Variants in SYNJ2 observed in about 807,000 individuals in gnomAD.
SYNJ2 encodes polyphosphatidylinositol phosphatase SYNJ2.
A neutral mutation model predicts 141.3 loss-of-function variants in SYNJ2; 116 were observed. That is an observed-to-expected ratio of 0.82 (90% CI 0.71 to 0.96). SYNJ2 has a LOEUF of 0.96. Ranked by LOEUF, SYNJ2 falls within the 40% of genes least tolerant of loss-of-function variation. The pLI, the probability that SYNJ2 is intolerant of heterozygous loss-of-function variation, is 0.00. For missense variants in SYNJ2, 1,873 were observed against 1,934.8 expected, an observed-to-expected ratio of 0.97 and a Z score of 0.60; for synonymous variants, 745 against 777.7, an observed-to-expected ratio of 0.96 and a Z score of 0.70.
At chr6:158,002,024 C>T (rs556618770) in intron 1 of SYNJ2, 1 of 152,492 alleles carries the variant, frequency 6.6e-6, no homozygotes, top group South Asian at 2.1e-4. Flanking sequence ...TCCTCCCACT[C>T]TTCTGAAACC....
At chr6:158,042,011 A>C (rs1202724474) in intron 4 of SYNJ2, among the ~76,000 whole-genome samples, 1 of 152,256 alleles carries the variant, frequency 6.6e-6, no homozygotes, top group Non-Finnish European at 1.5e-5. Context: ...CACTGCGCCC[A>C]GCCTGGATAT....
chr6:158,070,153 C>T lies in SYNJ2; in HGVS notation c.1940+480C>T, dbSNP rs1430631270. 2.6e-5 allele frequency: 26 copies of T among 985,612 alleles called. No individual in the cohort carries two copies. Among genetic ancestry groups the T allele is most frequent in the African/African-American group, 1.0e-4 (6 of 57,234 alleles). 61.1% of individuals were successfully genotyped at this position (985,612 alleles called of 1,614,324 possible). A position where few individuals can be genotyped will look rare whatever the true frequency, so the allele number is the denominator to read the frequency against. The stretch of plus-strand genomic sequence containing the variant: ...ATCAGAAAGGGGGCGAGCTTAGGGG[C>T]GGCATTCCTCTTGGGGTGTGGGTGT... On this transcript the variant is annotated intron_variant, in intron 14 of 26. Transcript: ENST00000355585. The surrounding 1 kb of genome is among the most constrained non-coding windows in gnomAD (Gnocchi z 4.0).
At chr6:158,057,154 ATC>A (rs1001150883) in intron 6 of SYNJ2, among the ~76,000 whole-genome samples, 2 of 151,794 alleles carry the variant, frequency 1.3e-5, no homozygotes, top group African/African-American at 4.8e-5. Context: ...CCAAATAGAA[ATC>A]TGATTCCTCA....
chr6:158,039,867 C>T (rs913162523), intron 4 of SYNJ2, among the ~76,000 whole-genome samples: 2 of 152,232 alleles, frequency 1.3e-5, no homozygotes, highest in African/African-American at 4.8e-5. Context: ...GCAGGTCACA[C>T]TGGCCTGGGG....
At chr6:158,036,718 C>G (rs1424329320) in intron 4 of SYNJ2, among the ~76,000 whole-genome samples, 4 of 152,154 alleles carry the variant, frequency 2.6e-5, no homozygotes, top group East Asian at 3.8e-4. Flanking sequence ...GTACAACAAA[C>G]CCACATAACA....
chr6:158,075,818 C>T (rs1403681804), intron 16 of SYNJ2, among the ~76,000 whole-genome samples: 1 of 152,136 alleles, frequency 6.6e-6, no homozygotes, highest in Non-Finnish European at 1.5e-5. Flanking sequence ...TCCTGTCTTC[C>T]TACTACCAAC....
At chr6:158,057,925 G>T (rs964254025) in intron 6 of SYNJ2, among the ~76,000 whole-genome samples, 1 of 152,246 alleles carries the variant, frequency 6.6e-6, no homozygotes, top group African/African-American at 2.4e-5. Flanking sequence ...ACGGGAGCCC[G>T]GGAGGGTGCT....
At chr6:158,006,605 G>C (rs1425012941) in intron 1 of SYNJ2, among the ~76,000 whole-genome samples, 3 of 152,152 alleles carry the variant, frequency 2.0e-5, no homozygotes, top group Non-Finnish European at 4.4e-5. Context: ...CTCCCTAGGG[G>C]ATCCCCTCCA....
intron 2 of SYNJ2, among the ~76,000 whole-genome samples, chr6:158,025,764 C>T (rs1271635952): frequency 1.3e-5 from 2 of 152,124 alleles, no homozygotes; most frequent in African/African-American, 4.8e-5. Flanking sequence ...ACCAGCCTGA[C>T]CTACATGGAG....
intron 1 of SYNJ2, among the ~76,000 whole-genome samples, chr6:157,985,343 G>A (rs1398648653): frequency 6.6e-6 from 1 of 152,230 alleles, no homozygotes; most frequent in Non-Finnish European, 1.5e-5. Flanking sequence ...CCAAATTCCT[G>A]CTTCTAAAAG....
At chr6:158,087,455 C>G (rs1783128199) in intron 23 of SYNJ2, among the ~76,000 whole-genome samples, 1 of 152,192 alleles carries the variant, frequency 6.6e-6, no homozygotes, top group African/African-American at 2.4e-5. Context: ...GAACAAGTTC[C>G]CCCTTATCCT....
At position 158,064,699 on chromosome 6, in the gene SYNJ2, C is replaced by T; in HGVS notation, c.1308C>T (p.His436=). 6.2e-7 allele frequency: 1 copy of T among 1,614,068 alleles called. No homozygotes were observed. Among genetic ancestry groups the T allele is most frequent in the East Asian group, 2.2e-5 (1 of 44,882 alleles). The change falls in exon 10 of 27, where the codon CAC becomes CAT. Residue 436 remains histidine, a synonymous_variant. Coordinates refer to ENST00000355585, the MANE Select transcript of SYNJ2 (RefSeq NM_003898.4). ...SFKAMWSLNG[H]SLSKVFTGSR... ...AAGCCATGTGGTCTCTGAATGGCCA[C>T]AGCCTGAGCAAGGTGTTCACAGGCA...
chr6:158,045,147 G>A (rs1269907346), intron 5 of SYNJ2, among the ~76,000 whole-genome samples: 1 of 115,894 alleles, frequency 8.6e-6, no homozygotes, highest in African/African-American at 3.4e-5. Flanking sequence ...TCACTCTGTT[G>A]CCCAGGCTGG....
chr6:157,983,823 A>T (rs956069967), intron 1 of SYNJ2, among the ~76,000 whole-genome samples: 3 of 151,112 alleles, frequency 2.0e-5, no homozygotes, highest in Non-Finnish European at 2.9e-5. Context: ...AGAAAACTTT[A>T]AAAAAAAATT....
chr6:157,997,405 G>A (rs550844031), intron 1 of SYNJ2, among the ~76,000 whole-genome samples: 1 of 152,294 alleles, frequency 6.6e-6, no homozygotes, highest in South Asian at 2.1e-4. Flanking sequence ...AGGGACACAG[G>A]CAGACGCACG....
chr6:158,080,983 G>A (rs1782639403), intron 18 of SYNJ2, 126 bp from the exon 19 acceptor site: 3 of 847,292 alleles, frequency 3.5e-6, no homozygotes, highest in South Asian at 1.5e-5. Flanking sequence ...GAGCCCTGGG[G>A]GACAGCAGCT....
At chr6:158,095,033 C>T (rs868792211) in intron 26 of SYNJ2, among the ~76,000 whole-genome samples, 89 of 152,168 alleles carry the variant, frequency 5.8e-4, no homozygotes, top group Admixed American at 6.5e-5. Flanking sequence ...CCTGCAATCC[C>T]AGCTACTCGG....
rs1199352292 is a variant in SYNJ2 at position 158,096,342 on chromosome 6, T to C, written c.4469T>C (p.Phe1490Ser). The C allele has an allele frequency of 6.2e-7, 1 of 1,608,238 alleles. No homozygotes were observed. Among genetic ancestry groups the C allele is most frequent in the Non-Finnish European group, 8.5e-7 (1 of 1,178,062 alleles). The change falls in exon 27 of 27, where the codon TTT (phenylalanine) becomes TCT (serine). Residue 1490 changes from phenylalanine (F) to serine (S), a missense_variant. Physicochemically the swap from Phe to Ser is radical, Grantham distance 155. Transcript: ENST00000355585. ...GAAAAGAGGACAGCACTGCAGGTGT[T>C]TGACCCACTGGCAAAAACATGACTG... is the stretch of plus-strand genomic sequence containing the variant. ...DQEKRTALQV[F>S]DPLAKT
intron 20 of SYNJ2, among the ~76,000 whole-genome samples, chr6:158,082,190 T>A (rs1782734613): frequency 6.6e-6 from 1 of 152,026 alleles, no homozygotes; most frequent in African/African-American, 2.4e-5. Flanking sequence ...CTAGTAAAAA[T>A]ACAAAAATTA....
Sources: gnomAD v4.1 joint callset for allele counts (sites outside exome capture counted in the v4.1 genomes callset) on GRCh38, gnomAD v4.1.1 for gene constraint, Gnocchi (gnomAD v3.1) non-coding constraint, MANE v1.5 for transcripts, NCBI Gene and HGNC (gene_info 2026-07-23, HGNC 2026-07-21) for gene names.